Variants in PDE10A observed in about 807,000 individuals in gnomAD.
PDE10A encodes phosphodiesterase 10A, also known as cAMP and cAMP-inhibited cGMP 3',5'-cyclic phosphodiesterase 10A.
Under a neutral mutation model 97.7 loss-of-function variants are expected in PDE10A, and 39 were observed. The ratio of observed to expected loss-of-function variants is 0.40; its 90% CI spans 0.31 to 0.52. The LOEUF (loss-of-function observed/expected upper bound fraction) is 0.52, where lower values mean the gene tolerates loss of function less well. Among genes scored for constraint, PDE10A ranks in the 20% least tolerant of loss-of-function variants. PDE10A has a pLI of 0.56. For synonymous variants in PDE10A, 371 were observed against 376.8 expected, an observed-to-expected ratio of 0.98 and a Z score of 0.18; for missense variants, 731 against 1,047.8, an observed-to-expected ratio of 0.70 and a Z score of 4.17.
chr6:165,942,518 C>T (rs1278708713), intron 1 of PDE10A, among the ~76,000 whole-genome samples: 1 of 152,094 alleles, frequency 6.6e-6, no homozygotes, highest in African/African-American at 2.4e-5. Flanking sequence ...CTCGCTGCCA[C>T]CCACTGTGGA....
chr6:165,944,034 T>C (rs1229215465), intron 1 of PDE10A, among the ~76,000 whole-genome samples: 1 of 152,222 alleles, frequency 6.6e-6, no homozygotes, highest in Non-Finnish European at 1.5e-5. Flanking sequence ...TTCTGCATGG[T>C]TGAGGAAGCC....
intron 1 of PDE10A, among the ~76,000 whole-genome samples, chr6:165,596,060 C>T (rs1387040106): frequency 1.3e-5 from 2 of 152,174 alleles, no homozygotes; most frequent in African/African-American, 4.8e-5. Context: ...GATTACTCAT[C>T]ACAAAGGAGA....
chr6:165,841,539 C>T (rs541883342), intron 1 of PDE10A, among the ~76,000 whole-genome samples: 150 of 152,368 alleles, frequency 9.8e-4, no homozygotes, highest in African/African-American at 3.4e-3. Flanking sequence ...GAGAAAGCAA[C>T]AGCTGCTTGC....
chr6:165,723,761 G>A (rs982206977), intron 1 of PDE10A, among the ~76,000 whole-genome samples: 3 of 152,068 alleles, frequency 2.0e-5, no homozygotes, highest in African/African-American at 7.2e-5. Flanking sequence ...CATGAATTCT[G>A]TTTCGGACTA....
chr6:165,763,033 T>C (rs1414467512), intron 1 of PDE10A, among the ~76,000 whole-genome samples: 3 of 152,232 alleles, frequency 2.0e-5, no homozygotes, highest in East Asian at 3.8e-4. Context: ...CACAGACTAA[T>C]ACATGTCTTG....
chr6:165,386,373 C>A (rs115548130), intron 17 of PDE10A, among the ~76,000 whole-genome samples: 1 of 152,170 alleles, frequency 6.6e-6, no homozygotes, highest in Non-Finnish European at 1.5e-5. Flanking sequence ...ATATTTAATA[C>A]AGCCTTTCTA....
intron 1 of PDE10A, among the ~76,000 whole-genome samples, chr6:165,625,037 C>T (rs142473151): frequency 1.0e-3 from 159 of 152,322 alleles, no homozygotes; most frequent in African/African-American, 3.4e-3. Context: ...GTTTGGTGAG[C>T]TCAAAGTGCA....
chr6:165,385,010 C>CT (rs1785200109), intron 17 of PDE10A, among the ~76,000 whole-genome samples: 1 of 152,096 alleles, frequency 6.6e-6, no homozygotes, highest in African/African-American at 2.4e-5. Flanking sequence ...TGGGAAAAGT[C>CT]TTTTGTGGAT....
intron 1 of PDE10A, among the ~76,000 whole-genome samples, chr6:165,913,509 A>C (rs1056580267): frequency 6.6e-6 from 1 of 152,318 alleles, no homozygotes; most frequent in East Asian, 1.9e-4. Context: ...ATTACACTAG[A>C]TCTTAATTTT....
intron 1 of PDE10A, among the ~76,000 whole-genome samples, chr6:165,702,592 A>G (rs372834580): frequency 1.2e-4 from 19 of 152,316 alleles, no homozygotes; most frequent in East Asian, 7.7e-4. Context: ...AGATCAACTA[A>G]TTCGCCAGGA....
At chr6:165,505,085 C>T (rs1032822812) in intron 2 of PDE10A, among the ~76,000 whole-genome samples, 4 of 152,148 alleles carry the variant, frequency 2.6e-5, no homozygotes, top group East Asian at 1.9e-4. Flanking sequence ...AGCTTCTCTT[C>T]GTAGCTCTGC....
At chr6:165,774,578 ATATAC>A (rs1778112752) in intron 1 of PDE10A, among the ~76,000 whole-genome samples, 1 of 147,886 alleles carries the variant, frequency 6.8e-6, no homozygotes, top group Non-Finnish European at 1.5e-5. Context: ...ATATTATTTT[ATATAC>A]TATATGTATA....
At chr6:165,510,996 A>G (rs2128301475) in intron 2 of PDE10A, among the ~76,000 whole-genome samples, 1 of 151,252 alleles carries the variant, frequency 6.6e-6, no homozygotes, top group East Asian at 1.9e-4. Context: ...CCTTTTAGTT[A>G]TTTTTAGTCT....
chr6:165,566,690 G>T (rs1356704932), intron 1 of PDE10A, among the ~76,000 whole-genome samples: 1 of 152,174 alleles, frequency 6.6e-6, no homozygotes, highest in Non-Finnish European at 1.5e-5. Flanking sequence ...GTCATGAGTT[G>T]CTCTGTTCTA....
At chr6:165,978,799 T>C (rs1408425733) in intron 1 of PDE10A, among the ~76,000 whole-genome samples, 1 of 152,102 alleles carries the variant, frequency 6.6e-6, no homozygotes, top group Non-Finnish European at 1.5e-5. Context: ...TTAGAATAGG[T>C]GTTGAATTGT....
intron 3 of PDE10A, among the ~76,000 whole-genome samples, chr6:165,456,570 C>A (rs1777966216): frequency 6.6e-6 from 1 of 152,170 alleles, no homozygotes; most frequent in Admixed American, 6.5e-5. Context: ...TAAGTGAGAA[C>A]AAGAAGACAT....
intron 1 of PDE10A, among the ~76,000 whole-genome samples, chr6:165,804,014 C>T (rs985940610): frequency 5.3e-5 from 8 of 152,044 alleles, no homozygotes; most frequent in African/African-American, 1.7e-4. Flanking sequence ...TCTTAATGAG[C>T]GAGCCACCGT....
At chr6:165,637,069 G>A (rs1788913057) in intron 1 of PDE10A, among the ~76,000 whole-genome samples, 1 of 152,048 alleles carries the variant, frequency 6.6e-6, no homozygotes, top group Non-Finnish European at 1.5e-5. Context: ...TTAACCCTTT[G>A]GACTGCTTGA....
intron 1 of PDE10A, among the ~76,000 whole-genome samples, chr6:165,935,814 C>T (rs746054028): frequency 1.3e-5 from 2 of 152,176 alleles, no homozygotes; most frequent in Non-Finnish European, 2.9e-5. Context: ...CTTGTTGTCT[C>T]TTTTGTGCTC....
Sources: allele counts gnomAD v4.1 joint callset (sites outside exome capture counted in the v4.1 genomes callset), GRCh38; gene constraint gnomAD v4.1.1; transcripts MANE v1.5; gene names NCBI Gene and HGNC (gene_info 2026-07-23, HGNC 2026-07-21).